The following PRR33 variants were observed in gnomAD, a reference collection of about 807,000 sequenced individuals.
PRR33 encodes proline rich 33.
A neutral mutation model predicts 0.5 loss-of-function variants in PRR33; 1 was observed. The observed-to-expected ratio is 2.18, with a 90% confidence interval of 0.77 to 10.34. The LOEUF (loss-of-function observed/expected upper bound fraction) is 10.34, where lower values mean the gene tolerates loss of function less well. PRR33 is among the 30% of genes most tolerant of loss of function. PRR33 has a pLI of 0.13. For synonymous variants in PRR33, 226 were observed against 110.0 expected, an observed-to-expected ratio of 2.06 and a Z score of -6.60; for missense variants, 552 against 251.8, an observed-to-expected ratio of 2.19 and a Z score of -8.07.
exon 1 of PRR33, chr11:1,889,321 C>T (rs749026914): frequency 1.8e-5 from 13 of 709,258 alleles, no homozygotes; most frequent in Admixed American, 6.0e-5. Flanking sequence ...TGCTCCCCAC[C>T]GCTGGGCCCT....
chr11:1,894,481 C>A (rs945195331), upstream of PRR33, among the ~76,000 whole-genome samples: 6 of 152,186 alleles, frequency 3.9e-5, no homozygotes, highest in Admixed American at 2.6e-4. Flanking sequence ...AGCGACCCCC[C>A]CTGCCTCCAC....
At chr11:1,893,962 T>C (rs946535328), upstream of PRR33, among the ~76,000 whole-genome samples, 28 of 144,320 alleles carry the variant, frequency 1.9e-4, no homozygotes, top group Admixed American at 7.6e-4. Flanking sequence ...GGTGAAGGGA[T>C]AGATGAATGG....
chr11:1,898,404 T>G, the PRR33 span, among the ~76,000 whole-genome samples: 1 of 152,092 alleles, frequency 6.6e-6, no homozygotes, highest in Non-Finnish European at 1.5e-5. Flanking sequence ...CCCAGCTTAT[T>G]TTTAATATTT....
upstream of PRR33, among the ~76,000 whole-genome samples, chr11:1,896,204 G>A (rs941351238): frequency 6.6e-6 from 1 of 152,138 alleles, no homozygotes; most frequent in African/African-American, 2.4e-5. Flanking sequence ...TTCCATATGT[G>A]TTTTAGAATG....
chr11:1,898,781 A>C, the PRR33 span, among the ~76,000 whole-genome samples: 1 of 152,062 alleles, frequency 6.6e-6, no homozygotes, highest in Non-Finnish European at 1.5e-5. Context: ...CGAGGTGGGC[A>C]CTTGAGGTCA....
chr11:1,892,649 T>C (rs1373394430), upstream of PRR33, among the ~76,000 whole-genome samples: 1 of 152,062 alleles, frequency 6.6e-6, no homozygotes, highest in African/African-American at 2.4e-5. Context: ...GGTGGATGGG[T>C]GGGTGGATGG....
At chr11:1,916,025 G>T in the PRR33 span, among the ~76,000 whole-genome samples, 1 of 152,032 alleles carries the variant, frequency 6.6e-6, no homozygotes. Context: ...TGGACAGACG[G>T]AGGGATGGAT....
the PRR33 span, among the ~76,000 whole-genome samples, chr11:1,906,563 G>C: frequency 6.6e-6 from 1 of 152,230 alleles, no homozygotes; most frequent in South Asian, 2.1e-4. Context: ...CTGGAATGTA[G>C]CTGTTTATCT....
exon 1 of PRR33, chr11:1,890,095 G>A (rs1327273158): frequency 4.2e-6 from 3 of 716,524 alleles, no homozygotes; most frequent in South Asian, 1.5e-5. Flanking sequence ...AAGCCACTGG[G>A]GGGCCGGGTA....
At chr11:1,914,323 CTG>C in the PRR33 span, among the ~76,000 whole-genome samples, 1 of 144,036 alleles carries the variant, frequency 6.9e-6, no homozygotes, top group Non-Finnish European at 1.5e-5. Flanking sequence ...GGATGTCTCT[CTG>C]TGTGTCTGTA....
the PRR33 span, among the ~76,000 whole-genome samples, chr11:1,903,871 T>C: frequency 0.047 from 7,173 of 151,902 alleles, 583 homozygotes; most frequent in African/African-American, 0.16. Context: ...AAAGCTGGAG[T>C]GTGCACCTCC....
chr11:1,902,194 T>C, the PRR33 span, among the ~76,000 whole-genome samples: 1 of 149,784 alleles, frequency 6.7e-6, no homozygotes, highest in African/African-American at 2.5e-5. Context: ...ATCGCGCCAC[T>C]GCACTCCAGC....
At chr11:1,890,902 C>G in exon 1 of PRR33, 1 of 356,126 alleles carries the variant, frequency 2.8e-6, no homozygotes, top group South Asian at 4.9e-5. Context: ...GCCCCAAGTA[C>G]ACAGCCTGGG....
At chr11:1,905,981 G>C in the PRR33 span, among the ~76,000 whole-genome samples, 12 of 151,028 alleles carry the variant, frequency 7.9e-5, no homozygotes, top group Non-Finnish European at 1.5e-4. Context: ...ACCACGCCCA[G>C]CTAAAGTATT....
chr11:1,909,978 A>T, the PRR33 span, among the ~76,000 whole-genome samples: 1 of 152,228 alleles, frequency 6.6e-6, no homozygotes, highest in African/African-American at 2.4e-5. Context: ...TGTAAGTAGC[A>T]TGATTTTTCC....
At chr11:1,891,075 C>T (rs570604078) in exon 1 of PRR33, 49 of 158,456 alleles carry the variant, frequency 3.1e-4, no homozygotes, top group Admixed American at 5.4e-4. Flanking sequence ...CAACCACAGG[C>T]GCGTCCGCTG....
chr11:1,910,549 G>T, the PRR33 span, among the ~76,000 whole-genome samples: 1 of 152,086 alleles, frequency 6.6e-6, no homozygotes. Flanking sequence ...TGCCTGGCTG[G>T]GGTTCTCTAT....
the PRR33 span, among the ~76,000 whole-genome samples, chr11:1,910,994 C>T: frequency 1.3e-5 from 2 of 152,184 alleles, no homozygotes; most frequent in Non-Finnish European, 2.9e-5. Context: ...GTGTTACAAA[C>T]ATCTCCTCCC....
chr11:1,890,397 C>T lies in PRR33; in HGVS notation c.188G>A (p.Arg63His), dbSNP rs1037001923. ...CTCACTCACGGGGGACAGGGAGGTG[C>T]GGAAGGCCCTGGGTGGAGCGAGGTG... Residue 63 changes from arginine to histidine, a missense_variant, in exon 1 of 1, where the codon CGC (arginine) becomes CAC (histidine). By Grantham distance (29) the Arg-to-His change is conservative. Transcript: ENST00000640310. 22 of 716,802 alleles carry T rather than the reference C, an allele frequency of 3.1e-5. 1 individual carries two copies. Among genetic ancestry groups the T allele is most frequent in the Middle Eastern group, 4.6e-4 (2 of 4,388 alleles). 44.4% of individuals were successfully genotyped at this position (716,802 alleles called of 1,614,324 possible).
Sources: allele counts gnomAD v4.1 joint callset (sites outside exome capture counted in the v4.1 genomes callset), GRCh38; gene constraint gnomAD v4.1.1; transcripts MANE v1.5; gene names NCBI Gene and HGNC (gene_info 2026-07-23, HGNC 2026-07-21).